The following FGF12 variants were observed in gnomAD, a reference collection of about 807,000 sequenced individuals.
The protein encoded by FGF12 is fibroblast growth factor 12B.
Under a neutral mutation model 23.6 loss-of-function variants are expected in FGF12, and 14 were observed. That is an observed-to-expected ratio of 0.59 (90% CI 0.39 to 0.93). FGF12 has a LOEUF of 0.93. FGF12 is among the 40% of genes least tolerant of loss of function. The pLI, the probability that FGF12 is intolerant of heterozygous loss-of-function variation, is 0.00. For synonymous variants in FGF12, 62 were observed against 77.3 expected, an observed-to-expected ratio of 0.80 and a Z score of 1.04; for missense variants, 175 against 217.8, an observed-to-expected ratio of 0.80 and a Z score of 1.24.
chr3:192,216,205 G>C (rs1295548258), intron 4 of FGF12, among the ~76,000 whole-genome samples: 7 of 152,096 alleles, frequency 4.6e-5, no homozygotes, highest in African/African-American at 1.2e-4. Context: ...TTCTCCAAGT[G>C]ACTATTTCTT....
chr3:192,701,378 C>G (rs145014371), intron 2 of FGF12, among the ~76,000 whole-genome samples: 149 of 152,304 alleles, frequency 9.8e-4, no homozygotes, highest in African/African-American at 3.3e-3. Context: ...TTCTTGGTAT[C>G]TCCTCTGGCT....
At chr3:192,679,022 C>A (rs1717423678) in intron 2 of FGF12, among the ~76,000 whole-genome samples, 1 of 152,134 alleles carries the variant, frequency 6.6e-6, no homozygotes, top group South Asian at 2.1e-4. Flanking sequence ...GTTAACAGTG[C>A]AGATTTGGGG....
Position 192,438,980 on chromosome 3 carries a change from G to A in FGF12, c.14-78442C>T, listed in dbSNP as rs190105212. On this transcript the variant is annotated intron_variant, in intron 2 of 5. Coordinates refer to ENST00000445105, the MANE Select transcript of FGF12 (RefSeq NM_004113.6). ...CCCCCACCTTGTCCTGAACTGCAAC[G>A]CTAACTCTATGGACCTAGTTGCATA... Among the ~76,000 whole-genome samples the A allele has an allele frequency of 3.2e-4, 48 of 152,292 alleles. 2 individuals are homozygous for A. In the East Asian group the frequency reaches 8.7e-3, roughly 28 times the overall value.
At chr3:192,443,086 G>C (rs960980516) in intron 2 of FGF12, among the ~76,000 whole-genome samples, 2 of 152,080 alleles carry the variant, frequency 1.3e-5, no homozygotes, top group African/African-American at 2.4e-5. Context: ...GAGATTACAG[G>C]CGTGAGTCAC....
chr3:192,149,423 C>T (rs573348842), intron 5 of FGF12, among the ~76,000 whole-genome samples: 1 of 139,632 alleles, frequency 7.2e-6, no homozygotes, highest in Non-Finnish European at 1.6e-5. Context: ...ACTAACTCGT[C>T]ATCTAGCATT....
At chr3:192,266,792 T>C (rs1263706632) in intron 4 of FGF12, among the ~76,000 whole-genome samples, 2 of 149,654 alleles carry the variant, frequency 1.3e-5, no homozygotes, top group Admixed American at 6.6e-5. Flanking sequence ...GCTCTATCTT[T>C]AAACACCACA....
chr3:192,408,026 T>C lies in FGF12; in HGVS notation c.14-47488A>G. ...CCCACTCTCCGGGCTTCTACTGACCTGGTCTCCGCCTCACCGGCCTCTTGC... is the reference window on the plus strand; with the variant it reads ...CCCACTCTCCGGGCTTCTACTGACCCGGTCTCCGCCTCACCGGCCTCTTGC... On this transcript the variant is annotated intron_variant, in intron 2 of 5. Coordinates refer to ENST00000445105, the MANE Select transcript of FGF12 (RefSeq NM_004113.6). The surrounding 1 kb of genome is among the most constrained non-coding windows in gnomAD (Gnocchi z 7.3). 1 of 1,608,916 alleles carries C rather than the reference T, an allele frequency of 6.2e-7. No homozygotes were observed.
rs545452980 is a variant in FGF12 at position 192,188,056 on chromosome 3, T to C, written c.229-17400A>G. ...AGTGAAACAGAGAGCCAGGAAAGTTTCCTAAGGAGAGTAGTGGCCTCATGT... is the reference window on the plus strand; with the variant it reads ...AGTGAAACAGAGAGCCAGGAAAGTTCCCTAAGGAGAGTAGTGGCCTCATGT... On this transcript the variant is annotated intron_variant, in intron 4 of 5. Transcript: ENST00000445105. Among the ~76,000 whole-genome samples the C allele has an allele frequency of 1.2e-4, 18 of 152,320 alleles. No individual in the cohort carries two copies. The South Asian group carries it at 1.7e-3, about 14-fold the overall frequency.
intron 2 of FGF12, among the ~76,000 whole-genome samples, chr3:192,625,607 G>GT (rs1310419002): frequency 1.3e-5 from 2 of 151,864 alleles, no homozygotes; most frequent in Non-Finnish European, 2.9e-5. Flanking sequence ...CAGATTCTAG[G>GT]TTTTTTCTTA....
intron 4 of FGF12, among the ~76,000 whole-genome samples, chr3:192,284,101 T>G (rs78080360): frequency 4.1e-4 from 62 of 152,194 alleles, no homozygotes; most frequent in African/African-American, 1.5e-3. Flanking sequence ...TTCCAGCTAC[T>G]AGACACTTGC....
At chr3:192,244,170 A>G (rs546016662) in intron 4 of FGF12, among the ~76,000 whole-genome samples, 1 of 152,244 alleles carries the variant, frequency 6.6e-6, no homozygotes, top group East Asian at 1.9e-4. Context: ...TATCTAGCAA[A>G]CTTACAAATA....
intron 4 of FGF12, among the ~76,000 whole-genome samples, chr3:192,332,633 A>G (rs1036747248): frequency 3.3e-5 from 5 of 152,106 alleles, no homozygotes; most frequent in Non-Finnish European, 5.9e-5. Flanking sequence ...AAAAGTAACA[A>G]GGGAATTACT....
intron 4 of FGF12, among the ~76,000 whole-genome samples, chr3:192,267,755 C>T (rs1369093839): frequency 6.6e-6 from 1 of 152,148 alleles, no homozygotes; most frequent in African/African-American, 2.4e-5. Flanking sequence ...TTTCCCTAAA[C>T]TTATTCATGG....
chr3:192,214,443 T>C (rs944162248), intron 4 of FGF12, among the ~76,000 whole-genome samples: 1 of 152,196 alleles, frequency 6.6e-6, no homozygotes, highest in African/African-American at 2.4e-5. Context: ...TACTGTCAAA[T>C]ATTTTTGCTA....
In FGF12 at chr3:192,490,496, T is replaced by C. The variant is rs1439487483; in HGVS notation, c.14-129958A>G. On this transcript the variant is annotated intron_variant, in intron 2 of 5. Transcript: ENST00000445105. ...GTGTGTATGTATACATGTGTATGTA[T>C]GTGTATACACACATATGTATACATT... Among the ~76,000 whole-genome samples, 5 of 151,954 alleles carry C rather than the reference T, an allele frequency of 3.3e-5. No homozygotes were observed. The East Asian group carries it at 9.6e-4, about 29-fold the overall frequency.
At chr3:192,534,352 A>T (rs994389508) in intron 2 of FGF12, among the ~76,000 whole-genome samples, 3 of 152,118 alleles carry the variant, frequency 2.0e-5, no homozygotes, top group African/African-American at 7.2e-5. Flanking sequence ...TCATTTAATC[A>T]TATTTCTATC....
chr3:192,563,628 C>T (rs1464400223), intron 2 of FGF12, among the ~76,000 whole-genome samples: 2 of 152,170 alleles, frequency 1.3e-5, no homozygotes, highest in African/African-American at 2.4e-5. Context: ...AGTGCTTTGT[C>T]AGCAAAGATG....
intron 4 of FGF12, among the ~76,000 whole-genome samples, chr3:192,314,880 T>C (rs1391431541): frequency 3.9e-5 from 6 of 152,168 alleles, no homozygotes; most frequent in African/African-American, 1.4e-4. Flanking sequence ...GACTGCATAA[T>C]TATTGCCAAA....
intron 5 of FGF12, among the ~76,000 whole-genome samples, chr3:192,165,331 A>G (rs564118443): frequency 6.6e-6 from 1 of 152,216 alleles, no homozygotes; most frequent in East Asian, 1.9e-4. Flanking sequence ...AATCACAAAT[A>G]ATGGAAATAG....
Sources: gnomAD v4.1 joint callset for allele counts (sites outside exome capture counted in the v4.1 genomes callset) on GRCh38, gnomAD v4.1.1 for gene constraint, Gnocchi (gnomAD v3.1) non-coding constraint, MANE v1.5 for transcripts, NCBI Gene and HGNC (gene_info 2026-07-23, HGNC 2026-07-21) for gene names.